Variants in LGMN observed in about 807,000 individuals in gnomAD.
The protein encoded by LGMN is legumain.
Under a neutral mutation model 56.8 loss-of-function variants are expected in LGMN, and 36 were observed. The ratio of observed to expected loss-of-function variants is 0.63; its 90% confidence interval spans 0.49 to 0.84. LGMN has a LOEUF of 0.84. Among genes scored for constraint, LGMN ranks in the 40% least tolerant of loss-of-function variants. LGMN has a pLI of 0.00. For missense variants in LGMN, 446 were observed against 556.1 expected (o/e 0.80, Z 1.99); for synonymous variants, 199 against 210.1 (o/e 0.95, Z 0.46).
intron 1 of LGMN, among the ~76,000 whole-genome samples, chr14:92,739,253 A>G (rs1891442801): frequency 6.6e-6 from 1 of 152,190 alleles, no homozygotes; most frequent in African/African-American, 2.4e-5. Context: ...ATCTGGCAGC[A>G]TCCCTATGAT....
At chr14:92,715,532 C>T (rs8020308) in intron 5 of LGMN, among the ~76,000 whole-genome samples, 3,218 of 152,222 alleles carry the variant, frequency 0.021, 127 homozygotes, top group African/African-American at 0.073. Context: ...CTAATCCACA[C>T]GAGCTTACTT....
chr14:92,719,221 ACCACCACCGCCACCG>A (rs1566923914), intron 2 of LGMN, among the ~76,000 whole-genome samples: 84 of 78,856 alleles, frequency 1.1e-3, no homozygotes, highest in Admixed American at 9.1e-4. Flanking sequence ...CGCCACCAAC[ACCACCACCGCCACCG>A]CCACCACCGC....
intron 2 of LGMN, among the ~76,000 whole-genome samples, chr14:92,725,853 G>C (rs972287531): frequency 6.6e-6 from 1 of 152,090 alleles, no homozygotes; most frequent in Non-Finnish European, 1.5e-5. Context: ...GAAATTACAG[G>C]TGTGAGCCAC....
intron 1 of LGMN, among the ~76,000 whole-genome samples, chr14:92,738,288 T>C (rs556792217): frequency 2.6e-5 from 4 of 151,968 alleles, no homozygotes; most frequent in African/African-American, 9.6e-5. Context: ...TTTTCTTTTT[T>C]TTTTTTTTGA....
At chr14:92,742,295 T>C (rs1891594884) in intron 1 of LGMN, among the ~76,000 whole-genome samples, 1 of 99,946 alleles carries the variant, frequency 1.0e-5, no homozygotes, top group African/African-American at 5.2e-5. Context: ...TGTTTTGCTT[T>C]TTTTTTTTTT....
At chr14:92,744,250 G>C (rs552502225) in intron 1 of LGMN, among the ~76,000 whole-genome samples, 1 of 152,152 alleles carries the variant, frequency 6.6e-6, no homozygotes, top group South Asian at 2.1e-4. Flanking sequence ...TGGCAAACTA[G>C]CTTCTAGATT....
intron 2 of LGMN, among the ~76,000 whole-genome samples, chr14:92,722,204 C>T (rs375542676): frequency 2.6e-5 from 4 of 151,186 alleles, no homozygotes; most frequent in East Asian, 3.9e-4. Flanking sequence ...GTGCAAGGTA[C>T]ACAGGTATTC....
At chr14:92,727,311 T>C (rs1456626288) in intron 2 of LGMN, among the ~76,000 whole-genome samples, 1 of 151,046 alleles carries the variant, frequency 6.6e-6, no homozygotes, top group Non-Finnish European at 1.5e-5. Flanking sequence ...GCGCCTGTAG[T>C]CCCAGCTACT....
chr14:92,719,234 C>T (rs1890267440), intron 2 of LGMN, among the ~76,000 whole-genome samples: 1 of 50,786 alleles, frequency 2.0e-5, no homozygotes. Flanking sequence ...ACCACCGCCA[C>T]CGCCACCACC....
At position 92,718,752 on chromosome 14, in the gene LGMN, A is replaced by G. The variant is rs1476577841; in HGVS notation, c.231T>C (p.Ser77=). Reference sequence around the variant, plus strand: ...TCCAAGTGTTCCCCACTTACTCTTCAGAGTAAGCAATGTCATCGTACATCA... The same window carrying G: ...TCCAAGTGTTCCCCACTTACTCTTCGGAGTAAGCAATGTCATCGTACATCA... ...VVMMYDDIAY[S]EDNPTPGIVI... The change falls in exon 3 of 14, where the codon TCT becomes TCC. Residue 77 remains serine (S), a synonymous_variant. Transcript: ENST00000334869. 6.2e-7 allele frequency: 1 copy of G among 1,608,078 alleles called. No individual in the cohort carries two copies. Among genetic ancestry groups the G allele is most frequent in the Non-Finnish European group, 8.5e-7 (1 of 1,174,956 alleles).
chr14:92,707,450 T>TGC (rs1889495224), intron 11 of LGMN, among the ~76,000 whole-genome samples: 1 of 152,174 alleles, frequency 6.6e-6, no homozygotes, highest in South Asian at 2.1e-4. Context: ...CTCAACTCTG[T>TGC]ATCTTTACAA....
chr14:92,707,374 T>C (rs750715606), intron 11 of LGMN, among the ~76,000 whole-genome samples: 6 of 152,166 alleles, frequency 3.9e-5, no homozygotes, highest in Admixed American at 6.5e-5. Context: ...GACCAGCAGT[T>C]CTCCAGGCGT....
At chr14:92,713,185 G>A (rs760349213) in intron 7 of LGMN, among the ~76,000 whole-genome samples, 6 of 152,142 alleles carry the variant, frequency 3.9e-5, no homozygotes, top group African/African-American at 7.2e-5. Flanking sequence ...AGTGCAGCAG[G>A]CCATCTTTCT....
In LGMN at chr14:92,709,748, A is replaced by G. The variant is rs1490848073; in HGVS notation, c.944T>C (p.Met315Thr). 3 of 1,613,882 alleles carry G rather than the reference A, an allele frequency of 1.9e-6. No individual in the cohort carries two copies. Among genetic ancestry groups the G allele is most frequent in the African/African-American group, 1.3e-5 (1 of 74,872 alleles). ...TPSPDVPLTI[M>T]KRKLMNTNDL... ...ATTGGTGTTCATCAGTTTCCTTTTC[A>G]TGATGGTGAGAGGCACATCAGGGCT... Residue 315 changes from methionine to threonine, a missense_variant, in exon 11 of 14, where the codon ATG (methionine) becomes ACG (threonine). Physicochemically the swap from Met to Thr is moderately conservative, Grantham distance 81. Coordinates refer to ENST00000334869, the MANE Select transcript of LGMN (RefSeq NM_005606.7).
chr14:92,720,035 T>C (rs1484515556), intron 2 of LGMN, among the ~76,000 whole-genome samples: 1 of 152,222 alleles, frequency 6.6e-6, no homozygotes, highest in Non-Finnish European at 1.5e-5. Flanking sequence ...ACATGCAGAC[T>C]GGCACTTTGC....
At chr14:92,716,339 G>A in intron 4 of LGMN, 118 bp from the exon 5 acceptor site, 1 of 781,694 alleles carries the variant, frequency 1.3e-6, no homozygotes, top group East Asian at 2.5e-5. Flanking sequence ...TGGCTTAACA[G>A]CAAACACTTT....
rs746019006 is a variant in LGMN, at chr14:92,717,364, C to G, written c.318+16G>C. 6.7e-7 allele frequency: 1 copy of G among 1,498,962 alleles called. No individual in the cohort carries two copies. Among genetic ancestry groups the G allele is most frequent in the Non-Finnish European group, 9.2e-7 (1 of 1,092,440 alleles). The allele number at this position is 1,498,962 out of a possible 1,614,324, so 92.9% of individuals were successfully genotyped here. A position where few individuals can be genotyped will look rare whatever the true frequency, so the allele number is the denominator to read the frequency against. On this transcript the variant is annotated intron_variant, in intron 4 of 13. Transcript: ENST00000334869. ...GAAAACTAAACCAGCTGGCTCCAAC[C>G]GTAGAAGCCACTCACCTCTCCAGTG...
At chr14:92,718,218 G>C (rs116748503) in intron 3 of LGMN, among the ~76,000 whole-genome samples, 3,191 of 152,232 alleles carry the variant, frequency 0.021, 122 homozygotes, top group African/African-American at 0.073. Flanking sequence ...TTTCAAAGCA[G>C]CGACCAGCAC....
At chr14:92,716,583 A>G (rs1490689690) in intron 4 of LGMN, among the ~76,000 whole-genome samples, 1 of 152,222 alleles carries the variant, frequency 6.6e-6, no homozygotes, top group African/African-American at 2.4e-5. Context: ...CAGTGAGCCA[A>G]GATTGTGCCA....
Sources: gnomAD v4.1 joint callset for allele counts (sites outside exome capture counted in the v4.1 genomes callset) on GRCh38, gnomAD v4.1.1 for gene constraint, MANE v1.5 for transcripts, NCBI Gene and HGNC (gene_info 2026-07-23, HGNC 2026-07-21) for gene names.